Variants in STT3B observed in about 807,000 individuals in gnomAD.
The protein encoded by STT3B is STT3 oligosaccharyltransferase complex catalytic subunit B.
Under a neutral mutation model 96.8 loss-of-function variants are expected in STT3B, and 29 were observed. That is an observed-to-expected ratio of 0.30 (90% CI 0.22 to 0.41). STT3B has a LOEUF of 0.41. Among genes scored for constraint, STT3B ranks in the 10% least tolerant of loss-of-function variants. The pLI is 1.00. For synonymous variants in STT3B, 367 were observed against 360.0 expected (o/e 1.02, Z -0.22); for missense variants, 640 against 1,022.3 (o/e 0.63, Z 5.10).
At chr3:31,572,003 T>C (rs1698155163) in intron 1 of STT3B, among the ~76,000 whole-genome samples, 1 of 98,562 alleles carries the variant, frequency 1.0e-5, no homozygotes, top group African/African-American at 3.8e-5. Flanking sequence ...AATACATAAT[T>C]ATTTTATTAA....
chr3:31,624,150 A>C (rs1360607055), intron 11 of STT3B, among the ~76,000 whole-genome samples: 1 of 152,030 alleles, frequency 6.6e-6, no homozygotes, highest in Non-Finnish European at 1.5e-5. Flanking sequence ...ACTCTTAGTT[A>C]TTTTTAAATG....
chr3:31,542,355 CTGTT>C (rs1332851853), intron 1 of STT3B, among the ~76,000 whole-genome samples: 33 of 152,250 alleles, frequency 2.2e-4, no homozygotes, highest in Non-Finnish European at 4.3e-4. Context: ...TGGGCATGGA[CTGTT>C]TGCTGTATTG....
At chr3:31,536,647 G>A (rs758605131) in intron 1 of STT3B, among the ~76,000 whole-genome samples, 1 of 152,158 alleles carries the variant, frequency 6.6e-6, no homozygotes, top group Non-Finnish European at 1.5e-5. Flanking sequence ...TGTCATAAGG[G>A]GTGATGTGTG....
At chr3:31,617,691 C>CT (rs534878460) in intron 7 of STT3B, among the ~76,000 whole-genome samples, 3 of 151,884 alleles carry the variant, frequency 2.0e-5, no homozygotes, top group Non-Finnish European at 4.4e-5. Context: ...AATTGGAAAA[C>CT]TTTCTACAAC....
intron 3 of STT3B, 65 bp from the exon 4 acceptor site, chr3:31,596,733 C>A: frequency 7.6e-7 from 1 of 1,313,572 alleles, no homozygotes; most frequent in Non-Finnish European, 1.1e-6. Flanking sequence ...AAACATTTAA[C>A]TTTTAAAAAT....
At chr3:31,581,798 G>A (rs1312658147) in intron 3 of STT3B, among the ~76,000 whole-genome samples, 1 of 152,148 alleles carries the variant, frequency 6.6e-6, no homozygotes, top group Non-Finnish European at 1.5e-5. Context: ...CGTTTTAGTA[G>A]AATTCACCAG....
chr3:31,571,928 C>T (rs923537662), intron 1 of STT3B, among the ~76,000 whole-genome samples: 2 of 79,230 alleles, frequency 2.5e-5, no homozygotes, highest in Non-Finnish European at 6.7e-5. Context: ...GATTATATAT[C>T]ATATATATTA....
rs1698344534 is a variant in STT3B at position 31,579,814 on chromosome 3, C to T, written c.429C>T (p.Tyr143=). The T allele has an allele frequency of 1.2e-6, 2 of 1,609,016 alleles. No individual in the cohort carries two copies. The highest frequency in any genetic ancestry group is 2.2e-5 in the East Asian group (1 of 44,788). Residue 143 remains tyrosine, a synonymous_variant, in exon 3 of 16, where the codon TAC becomes TAT. Coordinates refer to ENST00000295770, the MANE Select transcript of STT3B (RefSeq NM_178862.3). ...TTCCATTTTTTTCTTCCTAGGTTTA[C>T]CCAGGGTTGATGATAACCGCTGGCC... The part of the protein sequence containing the change: ...PLGRIVGGTV[Y]PGLMITAGLI...
At position 31,579,940 on chromosome 3, in the gene STT3B, T is replaced by A. The variant is rs1698347121; in HGVS notation, c.555T>A (p.Thr185=). Residue 185 remains threonine (T), a synonymous_variant, in exon 3 of 16, where the codon ACT becomes ACA. Transcript: ENST00000295770. ...TTAGCGGCCTTACATCTATATCTACTTTCCTGCTTACAAGAGAACTTTGGA... is the reference window on the plus strand; with the variant it reads ...TTAGCGGCCTTACATCTATATCTACATTCCTGCTTACAAGAGAACTTTGGA... The part of the protein sequence containing the change: ...PTFSGLTSIS[T]FLLTRELWNQ... 7 of 1,613,836 alleles carry A rather than the reference T, an allele frequency of 4.3e-6. No homozygotes were observed. In the South Asian group the frequency reaches 7.7e-5, roughly 18 times the overall value.
At chr3:31,551,285 G>A (rs990158863) in intron 1 of STT3B, among the ~76,000 whole-genome samples, 1 of 151,872 alleles carries the variant, frequency 6.6e-6, no homozygotes, top group Admixed American at 6.6e-5. Context: ...GTGTCATCTC[G>A]GCTCACTACA....
At chr3:31,617,194 T>TTC in intron 7 of STT3B, 119 bp downstream of exon 7, 2 of 813,138 alleles carry the variant, frequency 2.5e-6, no homozygotes, top group South Asian at 3.8e-5. Flanking sequence ...TTCTTTTTTT[T>TTC]TTTTTTTGAA....
intron 1 of STT3B, among the ~76,000 whole-genome samples, chr3:31,539,004 G>T (rs75671907): frequency 0.015 from 2,333 of 152,198 alleles, 74 homozygotes; most frequent in African/African-American, 0.051. Flanking sequence ...GATAGGATCA[G>T]TTGCCCAGAG....
intron 5 of STT3B, among the ~76,000 whole-genome samples, chr3:31,613,447 T>C (rs890193430): frequency 2.0e-5 from 3 of 152,060 alleles, no homozygotes; most frequent in Non-Finnish European, 2.9e-5. Flanking sequence ...CCTTTGTGTG[T>C]TCAGTGTTTG....
rs1341643443 is a variant in STT3B, at chr3:31,580,103, G to A, written c.711+7G>A. The A allele has an allele frequency of 6.2e-7, 1 of 1,603,316 alleles. No homozygotes were observed. Among genetic ancestry groups the A allele is most frequent in the East Asian group, 2.2e-5 (1 of 44,586 alleles). ...GTTCACATACTATTTATGGGTAAGT[G>A]ACATTTAATGTTTTGCTGCCATTAT... On this transcript the variant is annotated splice_region_variant and intron_variant, in intron 3 of 15. Transcript: ENST00000295770.
chr3:31,594,537 C>G (rs368118510), intron 3 of STT3B, among the ~76,000 whole-genome samples: 3 of 151,860 alleles, frequency 2.0e-5, no homozygotes, highest in East Asian at 1.9e-4. Flanking sequence ...TCAAGTGATT[C>G]TCCTGCCTCA....
intron 1 of STT3B, among the ~76,000 whole-genome samples, chr3:31,536,420 G>C (rs1485062579): frequency 6.6e-6 from 1 of 152,178 alleles, no homozygotes; most frequent in African/African-American, 2.4e-5. Context: ...ATTCTGGCCT[G>C]CTCATACCTT....
At chr3:31,534,130 T>TA (rs1481321968) in intron 1 of STT3B, among the ~76,000 whole-genome samples, 1 of 152,224 alleles carries the variant, frequency 6.6e-6, no homozygotes, top group African/African-American at 2.4e-5. Flanking sequence ...CTTAGTGTGT[T>TA]ATGCACAGTA....
chr3:31,583,817 T>A (rs935441061), intron 3 of STT3B, among the ~76,000 whole-genome samples: 2 of 152,220 alleles, frequency 1.3e-5, no homozygotes, highest in Non-Finnish European at 2.9e-5. Flanking sequence ...TTGTGTTTAG[T>A]GGATTCTTTT....
chr3:31,590,025 A>G (rs1429244102), intron 3 of STT3B, among the ~76,000 whole-genome samples: 1 of 152,088 alleles, frequency 6.6e-6, no homozygotes, highest in South Asian at 2.1e-4. Context: ...CTTTTTAATG[A>G]CATCGTATTA....
Sources: gnomAD v4.1 joint callset for allele counts (sites outside exome capture counted in the v4.1 genomes callset) on GRCh38, gnomAD v4.1.1 for gene constraint, MANE v1.5 for transcripts, NCBI Gene and HGNC (gene_info 2026-07-23, HGNC 2026-07-21) for gene names.